MCFD2: variants seen among roughly 807,000 people sequenced by gnomAD.
The protein encoded by MCFD2 is multiple coagulation factor deficiency 2, ER cargo receptor complex subunit.
In MCFD2, 11 loss-of-function variants were observed where a neutral mutation model predicts 12.8. That is an observed-to-expected ratio of 0.86 (90% CI 0.54 to 1.42). MCFD2 has a LOEUF of 1.42. Ranked by LOEUF, MCFD2 falls within the 40% of genes most tolerant of loss-of-function variation. MCFD2 has a pLI of 0.00. For synonymous variants in MCFD2, 70 were observed against 68.1 expected (o/e 1.03, Z -0.14); for missense variants, 191 against 178.6 (o/e 1.07, Z -0.40).
Position 46,904,185 on chromosome 2 carries a change from G to A in MCFD2, c.*1278C>T, listed in dbSNP as rs1482839366. 1 of 152,240 alleles carries A rather than the reference G, an allele frequency of 6.6e-6. No individual in the cohort carries two copies. The highest frequency in any genetic ancestry group is 1.5e-5 in the Non-Finnish European group (1 of 68,076). The allele number at this position is 152,240 out of a possible 1,614,324, so 9.4% of individuals were successfully genotyped here. A position where few individuals can be genotyped will look rare whatever the true frequency, so the allele number is the denominator to read the frequency against. ...AGAAGATGTATGGAAATGCCTCAATGCCCAGGCAAACGTTTGCTGCAGGGG... is the reference window on the plus strand; with the variant it reads ...AGAAGATGTATGGAAATGCCTCAATACCCAGGCAAACGTTTGCTGCAGGGG... On this transcript the variant is annotated 3_prime_UTR_variant, in exon 4 of 4. Coordinates refer to ENST00000319466, the MANE Select transcript of MCFD2 (RefSeq NM_139279.6).
chr2:46,924,230 A>G (rs1055462788), intron 1 of MCFD2, among the ~76,000 whole-genome samples: 4 of 151,368 alleles, frequency 2.6e-5, no homozygotes, highest in Non-Finnish European at 5.9e-5. Context: ...ACCCAACTAA[A>G]GGAACCAAAA....
At chr2:46,939,120 A>G (rs986961206) in intron 1 of MCFD2, among the ~76,000 whole-genome samples, 2 of 152,178 alleles carry the variant, frequency 1.3e-5, no homozygotes, top group Non-Finnish European at 2.9e-5. Flanking sequence ...TACAAACAAA[A>G]TAATAAATTA....
chr2:46,929,295 G>A (rs2103834011), intron 1 of MCFD2, among the ~76,000 whole-genome samples: 2 of 152,274 alleles, frequency 1.3e-5, no homozygotes, highest in Middle Eastern at 3.4e-3. Flanking sequence ...GACCAGCCTG[G>A]TCAACATAGC....
upstream of MCFD2, among the ~76,000 whole-genome samples, chr2:46,920,682 A>T (rs1669059535): frequency 6.6e-6 from 1 of 151,788 alleles, no homozygotes; most frequent in African/African-American, 2.4e-5. Flanking sequence ...TTTATCAAAA[A>T]TTTTGATCAC....
rs1670293861 is a variant in MCFD2 at position 46,941,060 on chromosome 2, G to T, written c.-8+512C>A. ...CGCGGCGGGGGCGGCGGCGGGGGGC[G>T]GGTACCCGGGCGGCCGCGAGCGCCC... On this transcript the variant is annotated intron_variant, in intron 1 of 2. Coordinates refer to the MCFD2 transcript ENST00000409147. The surrounding 1 kb of genome is among the most constrained non-coding windows in gnomAD (Gnocchi z 4.2). The T allele has an allele frequency of 1.3e-5, 2 of 151,156 alleles. No individual in the cohort carries two copies. The highest frequency in any genetic ancestry group is 3.6e-4 in the South Asian group (2 of 5,492). 9.4% of individuals were successfully genotyped at this position (151,156 alleles called of 1,614,324 possible).
upstream of MCFD2, chr2:46,915,806 G>GGGGGGGGGGGGGGGGGGGGC: frequency 5.9e-6 from 3 of 512,580 alleles, no homozygotes; most frequent in Non-Finnish European, 6.4e-6. Flanking sequence ...CCTCGGCTTC[G>GGGGGGGGGGGGGGGGGGGGC]CCCCGCCCCC....
In MCFD2 at chr2:46,903,301, TC is replaced by T. The variant is rs1249697014; in HGVS notation, c.*2161del. The T allele has an allele frequency of 2.6e-5, 4 of 156,026 alleles. No homozygotes were observed. Among genetic ancestry groups the T allele is most frequent in the African/African-American group, 9.6e-5 (4 of 41,524 alleles). The allele number at this position is 156,026 out of a possible 1,614,324, so 9.7% of individuals were successfully genotyped here. A position where few individuals can be genotyped will look rare whatever the true frequency, so the allele number is the denominator to read the frequency against. On this transcript the variant is annotated 3_prime_UTR_variant, in exon 4 of 4. Transcript: ENST00000319466. ...CTTTAAGTCCAATTAAACCACTTTT[TC>T]TTCCCAGTCTCGGGTATGTCTTTAT...
chr2:46,934,787 CTTTTTTTTTTTTTTTTTT>C (rs1161003607), intron 1 of MCFD2, among the ~76,000 whole-genome samples: 3 of 66,888 alleles, frequency 4.5e-5, no homozygotes, highest in South Asian at 5.8e-4. Context: ...GACTACTGCT[CTTTTTTTTTTTTTTTTTT>C]TTTTTTTTTT....
At chr2:46,928,237 G>T (rs867590957) in intron 1 of MCFD2, among the ~76,000 whole-genome samples, 3 of 151,726 alleles carry the variant, frequency 2.0e-5, no homozygotes, top group Non-Finnish European at 4.4e-5. Context: ...TACCAGTTTT[G>T]CAGCTTAAAA....
chr2:46,920,973 T>TAAA (rs34487440), intron 1 of MCFD2, among the ~76,000 whole-genome samples: 1 of 139,204 alleles, frequency 7.2e-6, no homozygotes, highest in African/African-American at 2.6e-5. Context: ...CTATTCATGA[T>TAAA]AAAAAAAAAA....
At chr2:46,913,028 G>A (rs114598164) in intron 1 of MCFD2, among the ~76,000 whole-genome samples, 1 of 152,052 alleles carries the variant, frequency 6.6e-6, no homozygotes, top group African/African-American at 2.4e-5. Flanking sequence ...GGGGGTGGGG[G>A]AAATTCTATT....
chr2:46,921,580 A>C (rs186216837), intron 1 of MCFD2, among the ~76,000 whole-genome samples: 26 of 152,358 alleles, frequency 1.7e-4, no homozygotes, highest in Admixed American at 8.5e-4. Flanking sequence ...ATCTTCATGC[A>C]AATGATATGC....
intron 1 of MCFD2, among the ~76,000 whole-genome samples, chr2:46,932,166 T>C (rs969352785): frequency 1.3e-5 from 2 of 152,078 alleles, no homozygotes; most frequent in Non-Finnish European, 2.9e-5. Flanking sequence ...TTTTTTTTTT[T>C]TGAGACAGAG....
At chr2:46,929,775 C>CA (rs1412387113) in intron 1 of MCFD2, among the ~76,000 whole-genome samples, 1 of 152,176 alleles carries the variant, frequency 6.6e-6, no homozygotes, top group Non-Finnish European at 1.5e-5. Flanking sequence ...ATTCACTGCC[C>CA]ATCTCTGGGC....
chr2:46,934,641 C>T (rs566083567), intron 1 of MCFD2, among the ~76,000 whole-genome samples: 6 of 152,034 alleles, frequency 3.9e-5, no homozygotes, highest in Non-Finnish European at 8.8e-5. Context: ...ACCCTCCCCT[C>T]ATAGGTTGCA....
intron 1 of MCFD2, among the ~76,000 whole-genome samples, chr2:46,927,884 GTTTTTTTTT>G (rs566447236): frequency 5.3e-4 from 39 of 73,306 alleles, no homozygotes; most frequent in African/African-American, 2.1e-3. Context: ...TTTTTTTGGT[GTTTTTTTTT>G]TTTTTTTTTT....
rs1670335481 is a variant in MCFD2, at chr2:46,941,267, C to G, written c.-8+305G>C. On this transcript the variant is annotated intron_variant, in intron 1 of 2. Transcript: ENST00000409147. This position sits in a 1 kb window ranked among gnomAD's most constrained non-coding sequence, Gnocchi z 4.2. ...GCGGCGGCGGCGGCAGCGCCAGGAG[C>G]TGCTACAGCAGAGGCGGAGGTTGCT... 6.2e-6 allele frequency: 1 copy of G among 160,064 alleles called. No individual in the cohort carries two copies. The highest frequency in any genetic ancestry group is 1.3e-5 in the Non-Finnish European group (1 of 74,300). 9.9% of individuals were successfully genotyped at this position (160,064 alleles called of 1,614,324 possible).
upstream of MCFD2, chr2:46,915,991 A>C (rs1572624785): frequency 3.0e-6 from 3 of 985,006 alleles, no homozygotes; most frequent in Non-Finnish European, 3.6e-6. Context: ...CTGCTTTCCC[A>C]AGGGCGACAC....
chr2:46,908,146 G>C lies in MCFD2; in HGVS notation c.150-177C>G. On this transcript the variant is annotated intron_variant, in intron 2 of 3. Transcript: ENST00000319466. This position sits in a 1 kb window ranked among gnomAD's most constrained non-coding sequence, Gnocchi z 4.5. ...GATAGACAAGGCCTTGAGAGGAGCA[G>C]GAAAAGTCAAATAGACCATCTGTTA... 2.9e-6 allele frequency: 2 copies of C among 694,202 alleles called. No individual in the cohort carries two copies. Among genetic ancestry groups the C allele is most frequent in the Non-Finnish European group, 5.1e-6 (2 of 393,186 alleles). 43.0% of individuals were successfully genotyped at this position (694,202 alleles called of 1,614,324 possible).
Sources: gnomAD v4.1 joint callset for allele counts (sites outside exome capture counted in the v4.1 genomes callset) on GRCh38, gnomAD v4.1.1 for gene constraint, Gnocchi (gnomAD v3.1) non-coding constraint, MANE v1.5 for transcripts, NCBI Gene and HGNC (gene_info 2026-07-23, HGNC 2026-07-21) for gene names.